The following HNRNPF variants were observed in gnomAD, a reference collection of about 807,000 sequenced individuals.
HNRNPF encodes HnRNP F protein.
HNRNPF carries 2 observed loss-of-function variants against 26.0 expected under a neutral mutation model. The observed-to-expected ratio is 0.08, with a 90% CI of 0.03 to 0.24. The LOEUF (loss-of-function observed/expected upper bound fraction) is 0.24, where lower values mean the gene tolerates loss of function less well. Among genes scored for constraint, HNRNPF ranks in the 10% least tolerant of loss-of-function variants. The probability of loss-of-function intolerance (pLI) is 1.00; values close to 1 mark genes in which losing one functional copy is unlikely to be tolerated. For missense variants in HNRNPF, 299 were observed against 539.2 expected (o/e 0.55, Z 4.41); for synonymous variants, 234 against 211.5 (o/e 1.11, Z -0.92).
chr10:43,387,970 T>G lies in HNRNPF; in HGVS notation c.-52-34A>C. On this transcript the variant is annotated intron_variant, in intron 3 of 3. Coordinates refer to ENST00000682386, the MANE Select transcript of HNRNPF (RefSeq NM_001098204.2). This position sits in a 1 kb window ranked among gnomAD's most constrained non-coding sequence, Gnocchi z 6.0. ...AAAAAAAAGAAAAATTTATTTAGTA[T>G]GCAACAGAAATTTTCCCCATTTTAC... The G allele has an allele frequency of 8.4e-7, 1 of 1,188,974 alleles. No individual in the cohort carries two copies. Among genetic ancestry groups the G allele is most frequent in the East Asian group, 2.4e-5 (1 of 41,208 alleles). The allele number at this position is 1,188,974 out of a possible 1,614,324, so 73.7% of individuals were successfully genotyped here. A position where few individuals can be genotyped will look rare whatever the true frequency, so the allele number is the denominator to read the frequency against.
At position 43,386,440 on chromosome 10, in the gene HNRNPF, G is replaced by C; in HGVS notation, c.*197C>G. 1 of 529,028 alleles carries C rather than the reference G, an allele frequency of 1.9e-6. No homozygotes were observed. Among genetic ancestry groups the C allele is most frequent in the Non-Finnish European group, 3.3e-6 (1 of 303,820 alleles). The allele number at this position is 529,028 out of a possible 1,614,324, so 32.8% of individuals were successfully genotyped here. Reference sequence around the variant, plus strand: ...TGTTAATTGAGAAAAGCTGAAAATAGTTTTAGTTTACTCATTATCACATGC... The same window carrying C: ...TGTTAATTGAGAAAAGCTGAAAATACTTTTAGTTTACTCATTATCACATGC... On this transcript the variant is annotated 3_prime_UTR_variant, in exon 4 of 4. Transcript: ENST00000682386.
chr10:43,386,639 A>T lies in HNRNPF; in HGVS notation c.1246T>A (p.Ter416LysextTer3), dbSNP rs1838034813. The change falls in exon 4 of 4, where the codon TAG becomes AAG. Residue 416 changes from the stop codon to lysine (K), a stop_lost. Transcript: ENST00000682386. ...TAACTCAAATGTTCCTAACAAAACT[A>T]GTCATAGCCACCCATGCTGTTCTGC... ...SGQNSMGGYD[*>K] The T allele has an allele frequency of 6.5e-7, 1 of 1,543,398 alleles. No individual in the cohort carries two copies. The highest frequency in any genetic ancestry group is 8.7e-7 in the Non-Finnish European group (1 of 1,149,976).
rs1390639672 is a variant in HNRNPF, at chr10:43,385,662, GCT to G, written c.*973_*974del. ...TATAAAAACTAGAAACAAAATAATT[GCT>G]TTCACAATGTAGTACTTGAAACTAA... On this transcript the variant is annotated 3_prime_UTR_variant, in exon 4 of 4. Transcript: ENST00000682386. The G allele has an allele frequency of 6.6e-6, 1 of 152,080 alleles. No homozygotes were observed. Among genetic ancestry groups the G allele is most frequent in the Non-Finnish European group, 1.5e-5 (1 of 68,022 alleles). 9.4% of individuals were successfully genotyped at this position (152,080 alleles called of 1,614,324 possible).
At position 43,387,911 on chromosome 10, in the gene HNRNPF, T is replaced by C. The variant is rs918362982; in HGVS notation, c.-27A>G. On this transcript the variant is annotated 5_prime_UTR_variant, in exon 4 of 4. Coordinates refer to ENST00000682386, the MANE Select transcript of HNRNPF (RefSeq NM_001098204.2). This position sits in a 1 kb window ranked among gnomAD's most constrained non-coding sequence, Gnocchi z 6.0. Reference sequence around the variant, plus strand: ...GACACTTGTCAGGGTGGGTGTCAGGTGATCTTGGGTGTGGCTTTTTTGTGG... The same window carrying C: ...GACACTTGTCAGGGTGGGTGTCAGGCGATCTTGGGTGTGGCTTTTTTGTGG... The C allele has an allele frequency of 1.3e-6, 2 of 1,531,674 alleles. No homozygotes were observed. Among genetic ancestry groups the C allele is most frequent in the Non-Finnish European group, 8.8e-7 (1 of 1,135,732 alleles). 94.9% of individuals were successfully genotyped at this position (1,531,674 alleles called of 1,614,324 possible).
chr10:43,385,909 C>A lies in HNRNPF; in HGVS notation c.*728G>T, dbSNP rs1838006176. ...CTCATCATAAGAATATAAGGGAGAT[C>A]ATAGATTTGATGTATGAAATTTTTA... On this transcript the variant is annotated 3_prime_UTR_variant, in exon 4 of 4. Coordinates refer to ENST00000682386, the MANE Select transcript of HNRNPF (RefSeq NM_001098204.2). The A allele has an allele frequency of 6.6e-6, 1 of 152,582 alleles. No individual in the cohort carries two copies. The highest frequency in any genetic ancestry group is 2.4e-5 in the African/African-American group (1 of 41,422). 9.5% of individuals were successfully genotyped at this position (152,582 alleles called of 1,614,324 possible).
intron 1 of HNRNPF, among the ~76,000 whole-genome samples, chr10:43,407,550 C>G (rs1477784369): frequency 1.3e-5 from 2 of 152,108 alleles, no homozygotes; most frequent in African/African-American, 4.8e-5. Context: ...GTTGGGGGAG[C>G]CGGGCAGCCG....
At position 43,387,910 on chromosome 10, in the gene HNRNPF, G is replaced by A. The variant is rs535651125; in HGVS notation, c.-26C>T. 3 of 1,534,042 alleles carry A rather than the reference G, an allele frequency of 2.0e-6. No individual in the cohort carries two copies. Among genetic ancestry groups the A allele is most frequent in the East Asian group, 4.6e-5 (2 of 43,828 alleles). On this transcript the variant is annotated 5_prime_UTR_variant, in exon 4 of 4. Coordinates refer to ENST00000682386, the MANE Select transcript of HNRNPF (RefSeq NM_001098204.2). The surrounding 1 kb of genome is among the most constrained non-coding windows in gnomAD (Gnocchi z 6.0). The stretch of plus-strand genomic sequence containing the variant: ...GGACACTTGTCAGGGTGGGTGTCAG[G>A]TGATCTTGGGTGTGGCTTTTTTGTG...
intron 1 of HNRNPF, among the ~76,000 whole-genome samples, chr10:43,406,450 T>A (rs1838920818): frequency 6.6e-6 from 1 of 152,096 alleles, no homozygotes. Flanking sequence ...TCCCAGCACT[T>A]TGGGAGGCAG....
intron 1 of HNRNPF, among the ~76,000 whole-genome samples, chr10:43,404,863 G>A (rs941206089): frequency 2.0e-5 from 3 of 152,094 alleles, no homozygotes; most frequent in Non-Finnish European, 2.9e-5. Flanking sequence ...TACCTCTAGA[G>A]GTAACTATCA....
chr10:43,389,314 T>C (rs1421141741), intron 3 of HNRNPF, among the ~76,000 whole-genome samples: 7 of 151,982 alleles, frequency 4.6e-5, no homozygotes, highest in South Asian at 4.1e-4. Context: ...TCAAGCATAA[T>C]AGATATAGCT....
chr10:43,404,021 G>A (rs1838833943), intron 1 of HNRNPF, among the ~76,000 whole-genome samples: 1 of 149,102 alleles, frequency 6.7e-6, no homozygotes. Flanking sequence ...GGCTGGGCGT[G>A]GTGGGTGACT....
chr10:43,399,375 T>G (rs1025898144), intron 1 of HNRNPF, among the ~76,000 whole-genome samples: 3 of 152,194 alleles, frequency 2.0e-5, no homozygotes, highest in Admixed American at 6.5e-5. Flanking sequence ...TAAGCCACTG[T>G]GCCTGGCCCA....
chr10:43,407,489 G>C (rs995527572), intron 1 of HNRNPF, among the ~76,000 whole-genome samples: 1 of 152,140 alleles, frequency 6.6e-6, no homozygotes, highest in Non-Finnish European at 1.5e-5. Flanking sequence ...GCCTTGGGGG[G>C]AGGGCGAGTC....
At chr10:43,393,815 T>C (rs1207662214) in intron 3 of HNRNPF, among the ~76,000 whole-genome samples, 2 of 152,192 alleles carry the variant, frequency 1.3e-5, no homozygotes, top group Non-Finnish European at 2.9e-5. Context: ...ACTTCCTTTT[T>C]TCTCCTGGAA....
intron 1 of HNRNPF, among the ~76,000 whole-genome samples, chr10:43,408,424 C>T (rs1252306781): frequency 1.3e-5 from 2 of 152,222 alleles, no homozygotes; most frequent in African/African-American, 4.8e-5. Flanking sequence ...GGCCCCTCGA[C>T]CTCGAATCCC....
chr10:43,387,246 G>A lies in HNRNPF; in HGVS notation c.639C>T (p.Pro213=), dbSNP rs772350069. 2.4e-5 allele frequency: 38 copies of A among 1,614,066 alleles called. No individual in the cohort carries two copies. The Middle Eastern group carries it at 4.9e-4, about 21-fold the overall frequency. The part of the protein sequence containing the change: ...SVQRPGPYDR[P]GTARRYIGIV... ...TGCCAATGTACCTCCTGGCAGTCCC[G>A]GGCCGGTCATAGGGCCCTGGCCGCT... Residue 213 remains proline, a synonymous_variant, in exon 4 of 4, where the codon CCC becomes CCT. Transcript: ENST00000682386. This position sits in a 1 kb window ranked among gnomAD's most constrained non-coding sequence, Gnocchi z 6.0.
intron 1 of HNRNPF, among the ~76,000 whole-genome samples, chr10:43,399,059 G>A (rs1838666706): frequency 6.6e-6 from 1 of 152,310 alleles, no homozygotes; most frequent in East Asian, 1.9e-4. Context: ...TATTTGTGAT[G>A]GCTTGGATTT....
At position 43,385,907 on chromosome 10, in the gene HNRNPF, A is replaced by G. The variant is rs13376803; in HGVS notation, c.*730T>C. ...GCCTCATCATAAGAATATAAGGGAG[A>G]TCATAGATTTGATGTATGAAATTTT... On this transcript the variant is annotated 3_prime_UTR_variant, in exon 4 of 4. Coordinates refer to ENST00000682386, the MANE Select transcript of HNRNPF (RefSeq NM_001098204.2). 10,173 of 152,690 alleles carry G rather than the reference A, an allele frequency of 0.067. 473 individuals carry two copies. Among genetic ancestry groups the G allele is most frequent in the East Asian group, 0.2 (1,031 of 5,190 alleles). The allele number at this position is 152,690 out of a possible 1,614,324, so 9.5% of individuals were successfully genotyped here.
At chr10:43,391,695 C>T (rs1838255545) in intron 3 of HNRNPF, among the ~76,000 whole-genome samples, 2 of 152,056 alleles carry the variant, frequency 1.3e-5, no homozygotes, top group Admixed American at 6.6e-5. Context: ...CGTAGTGGGC[C>T]CCTTACAGCG....
Sources: gnomAD v4.1 joint callset for allele counts (sites outside exome capture counted in the v4.1 genomes callset) on GRCh38, gnomAD v4.1.1 for gene constraint, Gnocchi (gnomAD v3.1) non-coding constraint, MANE v1.5 for transcripts, NCBI Gene and HGNC (gene_info 2026-07-23, HGNC 2026-07-21) for gene names.